Variants in DPP6 observed in about 807,000 individuals in gnomAD.
DPP6 encodes A-type potassium channel modulatory protein DPP6.
DPP6 carries 69 observed loss-of-function variants against 122.6 expected under a neutral mutation model. That is an observed-to-expected ratio of 0.56 (90% CI 0.46 to 0.69). The LOEUF is 0.69. DPP6 is among the 30% of genes least tolerant of loss of function. DPP6 has a pLI of 0.00. For missense variants in DPP6, 928 were observed against 1,116.9 expected (o/e 0.83, Z 2.41); for synonymous variants, 418 against 433.1 (o/e 0.97, Z 0.43).
At chr7:153,788,949 G>A in the DPP6 span, among the ~76,000 whole-genome samples, 2 of 146,346 alleles carry the variant, frequency 1.4e-5, no homozygotes, top group Admixed American at 6.9e-5. Context: ...TGGGCAACAT[G>A]AGCGAAAGTC....
chr7:154,319,871 A>G (rs536738850), intron 1 of DPP6, among the ~76,000 whole-genome samples: 43 of 151,844 alleles, frequency 2.8e-4, no homozygotes, highest in African/African-American at 1.0e-3. Context: ...GGTGCCTGTA[A>G]TCCCAGCTAC....
the DPP6 span, among the ~76,000 whole-genome samples, chr7:153,872,211 C>T: frequency 6.6e-6 from 1 of 152,168 alleles, no homozygotes; most frequent in Non-Finnish European, 1.5e-5. Context: ...AATGCAAATT[C>T]ATAGGCCTGA....
At chr7:153,888,728 T>G (rs917249353) in intron 1 of DPP6, among the ~76,000 whole-genome samples, 6 of 109,474 alleles carry the variant, frequency 5.5e-5, no homozygotes, top group Non-Finnish European at 9.9e-5. Context: ...TTTTTTTTTT[T>G]TTGGCGACAG....
chr7:154,707,066 G>T (rs1428927320), intron 7 of DPP6, among the ~76,000 whole-genome samples: 2 of 152,190 alleles, frequency 1.3e-5, no homozygotes, highest in African/African-American at 2.4e-5. Flanking sequence ...TAATTTGCTG[G>T]AGTGGAAAAT....
In DPP6 at chr7:154,690,570, G is replaced by A. The variant is rs145803072; in HGVS notation, c.762+21129G>A. Among the ~76,000 whole-genome samples the A allele has an allele frequency of 8.4e-4, 128 of 152,172 alleles. 1 individual carries two copies. The highest frequency in any genetic ancestry group is 3.0e-3 in the African/African-American group (124 of 41,536). On this transcript the variant is annotated intron_variant, in intron 7 of 25. Transcript: ENST00000377770. ...ACACAGAGTGCTCTCAGCCTACAGCGAGAGAGGAATGATCCCACCAGCTGG... is the reference window on the plus strand; with the variant it reads ...ACACAGAGTGCTCTCAGCCTACAGCAAGAGAGGAATGATCCCACCAGCTGG...
intron 1 of DPP6, among the ~76,000 whole-genome samples, chr7:154,080,473 A>G (rs539082311): frequency 4.6e-5 from 7 of 152,312 alleles, no homozygotes; most frequent in Admixed American, 6.5e-5. Context: ...GACCAAAGCG[A>G]CCTTGATGTT....
intron 5 of DPP6, chr7:154,587,869 G>C: frequency 6.2e-7 from 1 of 1,612,894 alleles, no homozygotes; most frequent in Middle Eastern, 1.7e-4. Flanking sequence ...ACCTGTTTCA[G>C]ATATTCCATG....
chr7:154,123,160 A>G (rs374909423), intron 1 of DPP6, among the ~76,000 whole-genome samples: 1 of 152,196 alleles, frequency 6.6e-6, no homozygotes. Flanking sequence ...CGCAGACCGA[A>G]TTGCCTTCAA....
intron 5 of DPP6, among the ~76,000 whole-genome samples, chr7:154,602,750 C>A (rs1226134395): frequency 1.1e-5 from 1 of 90,908 alleles, no homozygotes; most frequent in Non-Finnish European, 2.5e-5. Context: ...ATTCTTAATC[C>A]TTTTTTTTTT....
chr7:153,856,328 G>A, the DPP6 span, among the ~76,000 whole-genome samples: 1 of 152,180 alleles, frequency 6.6e-6, no homozygotes, highest in African/African-American at 2.4e-5. Flanking sequence ...TGGAGTAAAT[G>A]TTCTCCAGAT....
At chr7:154,328,370 G>A (rs1162869966) in intron 1 of DPP6, among the ~76,000 whole-genome samples, 4 of 152,156 alleles carry the variant, frequency 2.6e-5, no homozygotes, top group South Asian at 2.1e-4. Context: ...GGGAAGTAAC[G>A]ACGGGCCTGG....
Position 154,135,709 on chromosome 7 carries a change from G to A in DPP6, c.243+82646G>A, listed in dbSNP as rs150115521. ...AGTTCCTCTCTGTGCACTTCCTGTA[G>A]CACCACTTTCTCTCTATGCACTTAT... On this transcript the variant is annotated intron_variant, in intron 1 of 25. Coordinates refer to ENST00000377770, the MANE Select transcript of DPP6 (RefSeq NM_130797.4). 8.2e-3 allele frequency among the ~76,000 whole-genome samples: 1,179 copies of A among 143,806 alleles called. 5 individuals are homozygous for A. Among genetic ancestry groups the A allele is most frequent in the South Asian group, 0.015 (69 of 4,482 alleles). The allele number at this position is 143,806 out of a possible 152,430, so 94.3% of individuals were successfully genotyped here. A position where few individuals can be genotyped will look rare whatever the true frequency, so the allele number is the denominator to read the frequency against.
chr7:154,286,420 C>T (rs1475647347), intron 1 of DPP6, among the ~76,000 whole-genome samples: 2 of 152,110 alleles, frequency 1.3e-5, no homozygotes, highest in Admixed American at 6.5e-5. Flanking sequence ...ACATTCAGAC[C>T]AGAGAATGCA....
At chr7:154,865,321 C>G (rs1259911301) in intron 17 of DPP6, 1 of 152,224 alleles carries the variant, frequency 6.6e-6, no homozygotes, top group East Asian at 1.9e-4. Context: ...TGTTTTGCAC[C>G]TGGGATGATC....
At position 154,424,095 on chromosome 7, in the gene DPP6, G is replaced by A. The variant is rs187561387; in HGVS notation, c.244-22119G>A. 3.6e-3 allele frequency among the ~76,000 whole-genome samples: 541 copies of A among 152,166 alleles called. 7 individuals carry two copies. Among genetic ancestry groups the A allele is most frequent in the Admixed American group, 0.033 (500 of 15,284 alleles). ...ATACTATCCTCTCCTGTTTTTGCAC[G>A]CCATTAGAGAGATGAGGTGCAAGTG... On this transcript the variant is annotated intron_variant, in intron 1 of 25. Coordinates refer to ENST00000377770, the MANE Select transcript of DPP6 (RefSeq NM_130797.4).
intron 1 of DPP6, among the ~76,000 whole-genome samples, chr7:154,072,003 T>C (rs1803152480): frequency 6.6e-6 from 1 of 152,136 alleles, no homozygotes; most frequent in Non-Finnish European, 1.5e-5. Flanking sequence ...CACATGCTAA[T>C]GTTGGAGGGA....
chr7:154,752,687 G>A (rs749690215), intron 8 of DPP6, among the ~76,000 whole-genome samples: 4 of 152,188 alleles, frequency 2.6e-5, no homozygotes, highest in African/African-American at 9.7e-5. Context: ...CACCGCAGGA[G>A]GCTGTAGCTC....
At chr7:154,060,895 C>T (rs188555847) in intron 1 of DPP6, among the ~76,000 whole-genome samples, 3,910 of 140,942 alleles carry the variant, frequency 0.028, 8 homozygotes, top group African/African-American at 0.097. Context: ...GCACCCCCCA[C>T]GAGGCGGGGA....
At chr7:154,296,235 C>T (rs987044272) in intron 1 of DPP6, among the ~76,000 whole-genome samples, 4 of 152,060 alleles carry the variant, frequency 2.6e-5, no homozygotes, top group South Asian at 2.1e-4. Flanking sequence ...TGAGCCACCG[C>T]GCCCGGCTGC....
Sources: allele counts gnomAD v4.1 joint callset (sites outside exome capture counted in the v4.1 genomes callset), GRCh38; gene constraint gnomAD v4.1.1; transcripts MANE v1.5; gene names NCBI Gene and HGNC (gene_info 2026-07-23, HGNC 2026-07-21).